AGBL1: variants seen among roughly 807,000 people sequenced by gnomAD.
AGBL1 encodes AGBL carboxypeptidase 1.
In AGBL1, 130 loss-of-function variants were observed where a neutral mutation model predicts 118.9. That is an observed-to-expected ratio of 1.09 (90% CI 0.95 to 1.26). The LOEUF (loss-of-function observed/expected upper bound fraction) is 1.26. Ranked by LOEUF, AGBL1 falls within the 50% of genes most tolerant of loss-of-function variation. The pLI is 0.00. For missense variants in AGBL1, 1,584 were observed against 1,298.1 expected, an observed-to-expected ratio of 1.22 and a Z score of -3.38; for synonymous variants, 555 against 478.9, an observed-to-expected ratio of 1.16 and a Z score of -2.08.
chr15:86,778,486 A>C (rs2141302300), intron 22 of AGBL1, among the ~76,000 whole-genome samples: 1 of 152,234 alleles, frequency 6.6e-6, no homozygotes, highest in South Asian at 2.1e-4. Flanking sequence ...CGAAGCGGCC[A>C]TTTCAGAGGC....
chr15:86,979,902 A>G (rs949918924), intron 23 of AGBL1, among the ~76,000 whole-genome samples: 1 of 152,080 alleles, frequency 6.6e-6, no homozygotes, highest in Non-Finnish European at 1.5e-5. Flanking sequence ...CCATCCCATA[A>G]CAACAGAGAG....
intron 23 of AGBL1, among the ~76,000 whole-genome samples, chr15:86,938,060 GAC>G (rs1377651295): frequency 3.9e-5 from 5 of 129,314 alleles, no homozygotes; most frequent in African/African-American, 1.2e-4. Flanking sequence ...CTTGTTTTGA[GAC>G]ACACTACTTT....
At chr15:86,367,525 T>C (rs1275977660) in intron 17 of AGBL1, among the ~76,000 whole-genome samples, 4 of 151,976 alleles carry the variant, frequency 2.6e-5, no homozygotes, top group Non-Finnish European at 5.9e-5. Flanking sequence ...AAGTTTCCTG[T>C]GCCCAAAACC....
intron 19 of AGBL1, among the ~76,000 whole-genome samples, chr15:86,533,679 A>G (rs1213774074): frequency 2.3e-5 from 3 of 130,420 alleles, no homozygotes; most frequent in African/African-American, 3.4e-5. Context: ...TTATTGTGGC[A>G]TTATTCACAA....
At chr15:86,954,114 A>T (rs189109141) in intron 23 of AGBL1, among the ~76,000 whole-genome samples, 1 of 152,304 alleles carries the variant, frequency 6.6e-6, no homozygotes, top group African/African-American at 2.4e-5. Context: ...AATAATAATC[A>T]GAATAGCTAT....
intron 22 of AGBL1, among the ~76,000 whole-genome samples, chr15:86,747,984 G>T (rs1270449939): frequency 6.6e-6 from 1 of 152,122 alleles, no homozygotes; most frequent in Non-Finnish European, 1.5e-5. Context: ...AATCGTTTGG[G>T]TATATACCCA....
intron 18 of AGBL1, among the ~76,000 whole-genome samples, chr15:86,483,169 C>T (rs1198395320): frequency 1.3e-5 from 2 of 152,058 alleles, no homozygotes; most frequent in Non-Finnish European, 2.9e-5. Flanking sequence ...GCGGCATTGG[C>T]ATGATCTGAG....
intron 17 of AGBL1, among the ~76,000 whole-genome samples, chr15:86,336,979 C>G (rs962495392): frequency 7.0e-6 from 1 of 142,200 alleles, no homozygotes; most frequent in Non-Finnish European, 1.5e-5. Flanking sequence ...CCACAAGACT[C>G]TGTATTTCTA....
intron 21 of AGBL1, 149 bp downstream of exon 21, chr15:86,554,686 A>C: frequency 1.3e-6 from 1 of 750,314 alleles, no homozygotes; most frequent in Non-Finnish European, 1.9e-6. Flanking sequence ...GGGTTCAACA[A>C]TTGCTTTCAC....
intron 20 of AGBL1, among the ~76,000 whole-genome samples, chr15:86,547,090 T>C (rs1411523717): frequency 1.3e-5 from 2 of 152,156 alleles, no homozygotes; most frequent in East Asian, 3.9e-4. Context: ...CGCTGATCAA[T>C]ACAACCACCC....
chr15:86,480,752 G>A (rs2082640249), intron 18 of AGBL1, among the ~76,000 whole-genome samples: 1 of 151,976 alleles, frequency 6.6e-6, no homozygotes, highest in African/African-American at 2.4e-5. Context: ...GTATGGCAAA[G>A]AGATTGCCCT....
intron 17 of AGBL1, among the ~76,000 whole-genome samples, chr15:86,372,020 G>A (rs1264379315): frequency 6.6e-6 from 1 of 152,126 alleles, no homozygotes; most frequent in Admixed American, 6.5e-5. Context: ...CACCCTCCCA[G>A]CATTTCCCCG....
In AGBL1 at chr15:86,359,557, A is replaced by AT. The variant is rs146375579; in HGVS notation, c.2375-37799dup. ...TGTGTTCCATATCAGTTTTAGGACA[A>AT]TTTTTTTTTTCTATTTTTGTAAAAA... On this transcript the variant is annotated intron_variant, in intron 17 of 22. Coordinates refer to ENST00000614907, the MANE Select transcript of AGBL1 (RefSeq NM_001386094.1). Among the ~76,000 whole-genome samples, 156 of 148,504 alleles carry AT rather than the reference A, an allele frequency of 1.1e-3. 2 individuals carry two copies. The East Asian group carries it at 0.025, about 24-fold the overall frequency.
chr15:86,901,296 CATTA>C (rs1408113732), intron 22 of AGBL1, among the ~76,000 whole-genome samples: 10 of 152,016 alleles, frequency 6.6e-5, no homozygotes, highest in African/African-American at 2.4e-4. Flanking sequence ...TTTTAGAAAA[CATTA>C]ATTGTGTTTT....
intron 21 of AGBL1, among the ~76,000 whole-genome samples, chr15:86,622,779 T>C (rs2084832185): frequency 6.6e-6 from 1 of 152,172 alleles, no homozygotes. Flanking sequence ...AAGGGCACTG[T>C]TTACCGTGTA....
At chr15:86,679,779 CAA>C (rs917214129) in intron 22 of AGBL1, among the ~76,000 whole-genome samples, 10 of 151,940 alleles carry the variant, frequency 6.6e-5, no homozygotes, top group African/African-American at 2.4e-4. Context: ...TTAATTTTAT[CAA>C]AAGATTCTTT....
At chr15:86,259,518 A>G (rs564718654) in intron 9 of AGBL1, among the ~76,000 whole-genome samples, 1 of 152,298 alleles carries the variant, frequency 6.6e-6, no homozygotes, top group African/African-American at 2.4e-5. Flanking sequence ...AGAAAGAAAG[A>G]GGCTTTTGAG....
intron 19 of AGBL1, among the ~76,000 whole-genome samples, chr15:86,544,175 C>T (rs754027516): frequency 6.6e-6 from 1 of 152,180 alleles, no homozygotes; most frequent in Non-Finnish European, 1.5e-5. Context: ...GATTCCTCTG[C>T]TCTGACCCAG....
intron 17 of AGBL1, among the ~76,000 whole-genome samples, chr15:86,334,691 C>T (rs1303685021): frequency 1.3e-5 from 2 of 151,916 alleles, no homozygotes; most frequent in Admixed American, 6.6e-5. Flanking sequence ...CAAAAAACAG[C>T]CCGAATAGCC....
Sources: gnomAD v4.1 joint callset for allele counts (sites outside exome capture counted in the v4.1 genomes callset) on GRCh38, gnomAD v4.1.1 for gene constraint, MANE v1.5 for transcripts, NCBI Gene and HGNC (gene_info 2026-07-23, HGNC 2026-07-21) for gene names.